The following GAP43 variants were observed in gnomAD, a reference collection of about 807,000 sequenced individuals.
GAP43 encodes the protein growth associated protein 43.
In GAP43, 6 loss-of-function variants were observed where a neutral mutation model predicts 18.6. The observed-to-expected ratio is 0.32, with a 90% CI of 0.18 to 0.64. GAP43 has a LOEUF of 0.64. GAP43 is among the 30% of genes least tolerant of loss of function. GAP43 has a pLI of 0.78. For missense variants in GAP43, 292 were observed against 295.5 expected (o/e 0.99, Z 0.09); for synonymous variants, 115 against 111.4 (o/e 1.03, Z -0.20).
chr3:115,694,588 G>T (rs1215735106), intron 2 of GAP43, among the ~76,000 whole-genome samples: 2 of 152,204 alleles, frequency 1.3e-5, no homozygotes, highest in African/African-American at 4.8e-5. Context: ...ATCCTATGAT[G>T]AGGGATATCA....
At chr3:115,692,493 C>T (rs1230372724) in intron 2 of GAP43, among the ~76,000 whole-genome samples, 2 of 152,112 alleles carry the variant, frequency 1.3e-5, no homozygotes, top group South Asian at 2.1e-4. Flanking sequence ...GACTCAGTAC[C>T]AGTATAGAAC....
At chr3:115,663,163 G>A (rs572686560) in intron 1 of GAP43, among the ~76,000 whole-genome samples, 6 of 152,190 alleles carry the variant, frequency 3.9e-5, no homozygotes, top group East Asian at 1.9e-4. Context: ...AGTATCATTC[G>A]ATTCAGAGCA....
intron 2 of GAP43, among the ~76,000 whole-genome samples, chr3:115,696,122 G>A (rs1324795210): frequency 4.6e-5 from 7 of 151,232 alleles, no homozygotes; most frequent in Admixed American, 1.3e-4. Flanking sequence ...TCTATAGCCC[G>A]GACCTCTCTC....
intron 2 of GAP43, among the ~76,000 whole-genome samples, chr3:115,705,102 CT>C (rs1190550236): frequency 1.3e-5 from 2 of 152,180 alleles, no homozygotes; most frequent in African/African-American, 4.8e-5. Context: ...TCTGGCTAAT[CT>C]CAAGTACTAC....
rs151300540 is a variant in GAP43, at chr3:115,674,496, T to G, written c.31-1517T>G. ...ATATATTAGGCTACAAATGTTGCCA[T>G]CAAAAGGTAACATTCTATATGCTAG... is the stretch of plus-strand genomic sequence containing the variant. On this transcript the variant is annotated intron_variant, in intron 1 of 2. Coordinates refer to ENST00000305124, the MANE Select transcript of GAP43 (RefSeq NM_002045.4). 9.7e-4 allele frequency among the ~76,000 whole-genome samples: 148 copies of G among 152,350 alleles called. 1 individual carries two copies. Among genetic ancestry groups the G allele is most frequent in the Middle Eastern group, 3.4e-3 (1 of 294 alleles).
At chr3:115,639,021 G>T (rs1159222615) in intron 1 of GAP43, among the ~76,000 whole-genome samples, 3 of 151,982 alleles carry the variant, frequency 2.0e-5, no homozygotes, top group Non-Finnish European at 4.4e-5. Context: ...GCACACTATG[G>T]TTTCTCATTA....
rs534171247 is a variant in GAP43, at chr3:115,676,181, A to G, written c.199A>G (p.Asn67Asp). The change falls in exon 2 of 3, where the codon AAT becomes GAT. Residue 67 changes from asparagine to aspartate, a missense_variant. By Grantham distance (23) the Asn-to-Asp change is conservative. Coordinates refer to ENST00000305124, the MANE Select transcript of GAP43 (RefSeq NM_002045.4). ...DDVQAAEAEA[N>D]KKDEAPVADG... Reference sequence around the variant, plus strand: ...TGTCCAAGCTGCTGAGGCTGAAGCTAATAAGAAGGATGAAGCCCCTGTTGC... The same window carrying G: ...TGTCCAAGCTGCTGAGGCTGAAGCTGATAAGAAGGATGAAGCCCCTGTTGC... 9 of 1,614,192 alleles carry G rather than the reference A, an allele frequency of 5.6e-6. No homozygotes were observed. The highest frequency in any genetic ancestry group is 1.1e-5 in the South Asian group (1 of 91,078).
At chr3:115,681,015 C>T (rs1007670687) in intron 2 of GAP43, among the ~76,000 whole-genome samples, 1 of 152,108 alleles carries the variant, frequency 6.6e-6, no homozygotes, top group Non-Finnish European at 1.5e-5. Flanking sequence ...GTTTCAACCA[C>T]TTCCTAAATT....
chr3:115,656,934 A>G (rs979316083), intron 1 of GAP43, among the ~76,000 whole-genome samples: 1 of 152,218 alleles, frequency 6.6e-6, no homozygotes, highest in African/African-American at 2.4e-5. Flanking sequence ...TAATTTCATT[A>G]AAAATGCAAA....
intron 1 of GAP43, among the ~76,000 whole-genome samples, chr3:115,653,265 C>A (rs1308957915): frequency 6.6e-6 from 1 of 151,986 alleles, no homozygotes; most frequent in Non-Finnish European, 1.5e-5. Context: ...CATGGTGAAA[C>A]CCTGTCTCTA....
chr3:115,650,928 C>T (rs1281673693), intron 1 of GAP43, among the ~76,000 whole-genome samples: 1 of 151,878 alleles, frequency 6.6e-6, no homozygotes, highest in Admixed American at 6.6e-5. Flanking sequence ...CCAGGAGTTC[C>T]ATACCAGCCT....
intron 1 of GAP43, among the ~76,000 whole-genome samples, chr3:115,675,564 C>A (rs752660099): frequency 2.0e-5 from 3 of 151,810 alleles, no homozygotes; most frequent in Non-Finnish European, 2.9e-5. Context: ...AGTTTGAGAC[C>A]AGCCTGAACA....
At chr3:115,675,963 G>A in intron 1 of GAP43, 50 bp from the exon 2 acceptor site, 2 of 1,541,720 alleles carry the variant, frequency 1.3e-6, no homozygotes, top group Non-Finnish European at 1.7e-6. Context: ...AGATTTAAAG[G>A]AGAAGAATGT....
intron 1 of GAP43, among the ~76,000 whole-genome samples, chr3:115,651,560 A>T (rs1708518575): frequency 6.6e-6 from 1 of 152,004 alleles, no homozygotes; most frequent in Non-Finnish European, 1.5e-5. Context: ...ACATTTCTAT[A>T]TTTTTCTTTT....
intron 1 of GAP43, among the ~76,000 whole-genome samples, chr3:115,653,836 T>G (rs1708550100): frequency 6.6e-6 from 1 of 152,204 alleles, no homozygotes; most frequent in Non-Finnish European, 1.5e-5. Flanking sequence ...CACTTTGCCT[T>G]GTTCATATTT....
intron 1 of GAP43, among the ~76,000 whole-genome samples, chr3:115,662,001 CG>C (rs1708667374): frequency 1.4e-5 from 2 of 142,340 alleles, no homozygotes. Flanking sequence ...TGGTGGGGGT[CG>C]GGGGGAAGGG....
At chr3:115,718,013 A>AT (rs1331909001) in intron 2 of GAP43, among the ~76,000 whole-genome samples, 1 of 152,108 alleles carries the variant, frequency 6.6e-6, no homozygotes, top group African/African-American at 2.4e-5. Context: ...CTGTTTCTGC[A>AT]TTTTTGAGTT....
chr3:115,625,592 C>A (rs1428677330), intron 1 of GAP43, among the ~76,000 whole-genome samples: 1 of 152,072 alleles, frequency 6.6e-6, no homozygotes, highest in Non-Finnish European at 1.5e-5. Flanking sequence ...ATAATTTGTT[C>A]CCACCCTATG....
Position 115,623,731 on chromosome 3 carries a change from G to T in GAP43, c.30+12G>T. On this transcript the variant is annotated intron_variant, in intron 1 of 2. Coordinates refer to ENST00000305124, the MANE Select transcript of GAP43 (RefSeq NM_002045.4). ...GAAGAACCAAACAGGTAGAGCTAAA[G>T]ATTTTTTACTTCTTGCTGTTGTGAA... 6.2e-7 allele frequency: 1 copy of T among 1,614,092 alleles called. No homozygotes were observed. Among genetic ancestry groups the T allele is most frequent in the Non-Finnish European group, 8.5e-7 (1 of 1,179,938 alleles).
Sources: allele counts gnomAD v4.1 joint callset (sites outside exome capture counted in the v4.1 genomes callset), GRCh38; gene constraint gnomAD v4.1.1; transcripts MANE v1.5; gene names NCBI Gene and HGNC (gene_info 2026-07-23, HGNC 2026-07-21).